KLHL13: variants seen among roughly 807,000 people sequenced by gnomAD.
KLHL13 encodes kelch-like protein 13.
In KLHL13, 10 loss-of-function variants were observed where a neutral mutation model predicts 37.1. The ratio of observed to expected loss-of-function variants is 0.27; its 90% CI spans 0.17 to 0.46. KLHL13 has a LOEUF of 0.46. Ranked by LOEUF, KLHL13 falls within the 20% of genes least tolerant of loss-of-function variation. KLHL13 has a pLI of 1.00. For missense variants in KLHL13, 360 were observed against 509.3 expected (o/e 0.71, Z 2.82); for synonymous variants, 163 against 181.2 (o/e 0.90, Z 0.81).
intron 1 of KLHL13, among the ~76,000 whole-genome samples, chrX:118,023,070 A>G (rs2054236951): frequency 8.9e-6 from 1 of 112,084 alleles, no homozygotes; most frequent in East Asian, 2.8e-4. Context: ...ACAATGTAAT[A>G]TAAGGATCCA....
At chrX:118,029,290 A>G (rs2054310356) in intron 1 of KLHL13, among the ~76,000 whole-genome samples, 1 of 111,863 alleles carries the variant, frequency 8.9e-6, no homozygotes, top group Non-Finnish European at 1.9e-5. Flanking sequence ...TTGGGGTCTG[A>G]GAAGTCTATA....
intron 1 of KLHL13, among the ~76,000 whole-genome samples, chrX:118,097,662 C>T (rs1018235280): frequency 2.7e-5 from 3 of 111,860 alleles, no homozygotes; most frequent in Non-Finnish European, 5.6e-5. Flanking sequence ...AGGCATCACA[C>T]TACCTGCTTC....
At position 117,981,985 on chromosome X, in the gene KLHL13, A is replaced by G. The variant is rs899226083; in HGVS notation, c.-55-36410T>C. ...TTAACTTCACAAATGAAATCAATCA[A>G]CTTACTCTGCCTAGCCCAAAACCCC... On this transcript the variant is annotated intron_variant, in intron 1 of 6. Coordinates refer to the KLHL13 transcript ENST00000371882. Among the ~76,000 whole-genome samples the G allele has an allele frequency of 2.7e-5, 3 of 110,997 alleles. No homozygotes were observed. The Admixed American group carries it at 2.9e-4, about 11-fold the overall frequency.
intron 1 of KLHL13, among the ~76,000 whole-genome samples, chrX:118,031,283 T>C (rs923067572): frequency 9.2e-6 from 1 of 108,234 alleles, no homozygotes; most frequent in Non-Finnish European, 1.9e-5. Flanking sequence ...CTATCAATGC[T>C]CCTACTCCTG....
chrX:117,978,567 G>A (rs1043954950), upstream of KLHL13, among the ~76,000 whole-genome samples: 4 of 111,003 alleles, frequency 3.6e-5, no homozygotes, highest in East Asian at 1.1e-3. Flanking sequence ...GATGAAAGAG[G>A]TTATGGGGCT....
At chrX:118,031,434 T>C (rs1253216850) in intron 1 of KLHL13, among the ~76,000 whole-genome samples, 1 of 90,185 alleles carries the variant, frequency 1.1e-5, no homozygotes, top group Non-Finnish European at 2.0e-5. Context: ...TATATAGATA[T>C]ATATATTTAG....
intron 1 of KLHL13, among the ~76,000 whole-genome samples, chrX:117,951,063 T>C (rs1366743383): frequency 8.9e-6 from 1 of 112,082 alleles, no homozygotes; most frequent in Non-Finnish European, 1.9e-5. Context: ...CGAAAGATAT[T>C]AATAGCTTTT....
intron 1 of KLHL13, among the ~76,000 whole-genome samples, chrX:117,980,470 T>A (rs2053647941): frequency 9.0e-6 from 1 of 111,690 alleles, no homozygotes; most frequent in African/African-American, 3.2e-5. Context: ...ATTACAACAT[T>A]CACATGTGCA....
chrX:118,041,593 T>G (rs1248384042), intron 1 of KLHL13, among the ~76,000 whole-genome samples: 1 of 111,373 alleles, frequency 9.0e-6, no homozygotes, highest in East Asian at 2.8e-4. Context: ...GTGTAGAGTT[T>G]TATTGGTTTT....
chrX:118,004,832 T>C (rs1169938977), intron 1 of KLHL13, among the ~76,000 whole-genome samples: 3 of 111,599 alleles, frequency 2.7e-5, no homozygotes, highest in Admixed American at 9.5e-5. Context: ...TGCCACCTGA[T>C]AGGATGCAAT....
In KLHL13 at chrX:118,002,785, T is replaced by C. The variant is rs760403659; in HGVS notation, c.-55-57210A>G. The stretch of plus-strand genomic sequence containing the variant: ...TTACAGAAAAGGCTATGGTGCTCCC[T>C]CACATGTATTTCAAAATATAAATAA... On this transcript the variant is annotated intron_variant, in intron 1 of 6. Transcript: ENST00000371882. Among the ~76,000 whole-genome samples the C allele has an allele frequency of 9.9e-5, 11 of 111,049 alleles. 1 individual carries two copies. The South Asian group carries it at 4.2e-3, about 42-fold the overall frequency.
chrX:118,107,758 T>C (rs958151343), intron 1 of KLHL13, among the ~76,000 whole-genome samples: 1 of 111,355 alleles, frequency 9.0e-6, no homozygotes, highest in Non-Finnish European at 1.9e-5. Context: ...GCCTTTCCAC[T>C]AAGAAATATC....
intron 1 of KLHL13, among the ~76,000 whole-genome samples, chrX:118,055,076 T>C (rs768036139): frequency 8.9e-6 from 1 of 111,822 alleles, no homozygotes; most frequent in South Asian, 3.7e-4. Flanking sequence ...ACTCTACTTT[T>C]ACTGTGCAAG....
chrX:117,939,246 C>T (rs1398882641), intron 2 of KLHL13, among the ~76,000 whole-genome samples: 2 of 111,638 alleles, frequency 1.8e-5, no homozygotes, highest in Admixed American at 1.9e-4. Flanking sequence ...CAGCTTCATG[C>T]ATGTCCCTGC....
At chrX:117,993,829 T>A (rs1473579910) in intron 1 of KLHL13, among the ~76,000 whole-genome samples, 2 of 108,454 alleles carry the variant, frequency 1.8e-5, no homozygotes, top group Non-Finnish European at 3.8e-5. Flanking sequence ...CTCTGCCTCC[T>A]GGGTTCAAGC....
intron 1 of KLHL13, among the ~76,000 whole-genome samples, chrX:117,952,878 T>C (rs1177177152): frequency 2.8e-5 from 3 of 107,786 alleles, no homozygotes; most frequent in East Asian, 3.0e-4. Flanking sequence ...CCAGTTAGAA[T>C]GGCAATCATT....
intron 1 of KLHL13, among the ~76,000 whole-genome samples, chrX:118,038,764 T>C (rs147420746): frequency 0.1 from 11,651 of 110,971 alleles, 652 homozygotes; most frequent in African/African-American, 0.21. Flanking sequence ...CCTGGTGTTA[T>C]GCTGGGCTCA....
At chrX:118,054,399 C>A (rs1306246078) in intron 1 of KLHL13, among the ~76,000 whole-genome samples, 2 of 110,723 alleles carry the variant, frequency 1.8e-5, no homozygotes, top group Non-Finnish European at 3.8e-5. Flanking sequence ...ATGCAAGCAG[C>A]ATTTTTATAA....
intron 1 of KLHL13, among the ~76,000 whole-genome samples, chrX:118,031,069 T>C (rs1270296211): frequency 9.0e-6 from 1 of 110,829 alleles, no homozygotes; most frequent in African/African-American, 3.3e-5. Flanking sequence ...TGCAGCCACT[T>C]ATCATAAAGA....
Sources: gnomAD v4.1 joint callset for allele counts (sites outside exome capture counted in the v4.1 genomes callset) on GRCh38, gnomAD v4.1.1 for gene constraint, MANE v1.5 for transcripts, NCBI Gene and HGNC (gene_info 2026-07-23, HGNC 2026-07-21) for gene names.